GDF6: variants seen among roughly 807,000 people sequenced by gnomAD.
GDF6 encodes the protein growth/differentiation factor 6.
A neutral mutation model predicts 32.4 loss-of-function variants in GDF6; 3 were observed. The ratio of observed to expected loss-of-function variants is 0.09; its 90% CI spans 0.04 to 0.24. The LOEUF (loss-of-function observed/expected upper bound fraction) is 0.24, where lower values mean the gene tolerates loss of function less well. Among genes scored for constraint, GDF6 ranks in the 10% least tolerant of loss-of-function variants. The probability of loss-of-function intolerance (pLI) is 1.00; values close to 1 mark genes in which losing one functional copy is unlikely to be tolerated. For missense variants in GDF6, 589 were observed against 637.9 expected, an observed-to-expected ratio of 0.92 and a Z score of 0.83; for synonymous variants, 296 against 295.3, an observed-to-expected ratio of 1.00 and a Z score of -0.03.
chr8:96,154,123 C>A (rs1028063498), intron 1 of GDF6, among the ~76,000 whole-genome samples: 1 of 152,116 alleles, frequency 6.6e-6, no homozygotes, highest in Non-Finnish European at 1.5e-5. Flanking sequence ...CCACTAAAGC[C>A]AATCCCCTGC....
In GDF6 at chr8:96,150,596, C is replaced by T. The variant is rs563959264; in HGVS notation, c.407-5072G>A. Among the ~76,000 whole-genome samples, 10 of 152,370 alleles carry T rather than the reference C, an allele frequency of 6.6e-5. No individual in the cohort carries two copies. In the South Asian group the frequency reaches 2.1e-3, roughly 32 times the overall value. ...TCACTTATAGATGAAGAAACTAAAGCTCTAAGAGGTATCTTGCCCATTGTC... is the reference window on the plus strand; with the variant it reads ...TCACTTATAGATGAAGAAACTAAAGTTCTAAGAGGTATCTTGCCCATTGTC... On this transcript the variant is annotated intron_variant, in intron 1 of 1. Transcript: ENST00000287020.
chr8:96,157,583 G>C (rs7845829), intron 1 of GDF6, among the ~76,000 whole-genome samples: 21,816 of 152,152 alleles, frequency 0.14, 2,206 homozygotes, highest in African/African-American at 0.27. Flanking sequence ...AGCGCTGCTG[G>C]CCCAGCTCTA....
At position 96,145,199 on chromosome 8, in the gene GDF6, C is replaced by A. The variant is rs1201519354; in HGVS notation, c.732G>T (p.Glu244Asp). The A allele has an allele frequency of 2.0e-6, 3 of 1,500,604 alleles. No individual in the cohort carries two copies. The East Asian group carries it at 8.1e-5, about 41-fold the overall frequency. The allele number at this position is 1,500,604 out of a possible 1,614,324, so 93.0% of individuals were successfully genotyped here. Residue 244 changes from glutamate to aspartate, a missense_variant, in exon 2 of 2, where the codon GAG (glutamate) becomes GAT (aspartate). Glu to Asp is a conservative substitution (Grantham distance 45, BLOSUM62 2). Coordinates refer to ENST00000287020, the MANE Select transcript of GDF6 (RefSeq NM_001001557.4). This position sits in a 1 kb window ranked among gnomAD's most constrained non-coding sequence, Gnocchi z 5.6. ...GGGGTCCCCGCGCGCGCGCCTCGGC[C>A]TCCCCGGCGTCCAGCTCGCCCCATG... ...RAAWGELDAG[E>D]AEARARGPQQ...
intron 1 of GDF6, among the ~76,000 whole-genome samples, chr8:96,160,023 C>A (rs1812733235): frequency 6.6e-6 from 1 of 152,036 alleles, no homozygotes; most frequent in Admixed American, 6.5e-5. Context: ...CAAGCGGCAA[C>A]CACGCTGCCT....
In GDF6 at chr8:96,144,599, G is replaced by C; in HGVS notation, c.1332C>G (p.Tyr444Ter). Residue 444 changes from tyrosine (Y) to a stop codon, truncating the protein, a stop_gained, in exon 2 of 2, where the codon TAC becomes TAG. Transcript: ENST00000287020. LOFTEE classifies it high-confidence loss of function. The surrounding 1 kb of genome is among the most constrained non-coding windows in gnomAD (Gnocchi z 5.1). ...CGCACGACTCCACCACCATGTCCTCGTACTGCTTGTAGACCACATTATTGC... is the reference window on the plus strand; with the variant it reads ...CGCACGACTCCACCACCATGTCCTCCTACTGCTTGTAGACCACATTATTGC... ...DAGNNVVYKQ[Y>*]EDMVVESCGC... The C allele has an allele frequency of 6.2e-7, 1 of 1,613,984 alleles. No individual in the cohort carries two copies. Among genetic ancestry groups the C allele is most frequent in the Non-Finnish European group, 8.5e-7 (1 of 1,179,972 alleles).
At chr8:96,153,399 A>G (rs1812603409) in intron 1 of GDF6, among the ~76,000 whole-genome samples, 1 of 152,218 alleles carries the variant, frequency 6.6e-6, no homozygotes, top group Admixed American at 6.5e-5. Context: ...ATCACTGCAG[A>G]TGAAACCCAA....
In GDF6 at chr8:96,143,695, G is replaced by A. The variant is rs1469921299; in HGVS notation, c.*868C>T. The A allele has an allele frequency of 1.3e-5, 2 of 152,702 alleles. No homozygotes were observed. The highest frequency in any genetic ancestry group is 6.5e-5 in the Admixed American group (1 of 15,292). The allele number at this position is 152,702 out of a possible 1,614,324, so 9.5% of individuals were successfully genotyped here. ...TCCGTGTCAGCCCCAGTCAGAGGCA[G>A]GCCTTGTGGTTTCTCATTATCCTTC... On this transcript the variant is annotated 3_prime_UTR_variant, in exon 2 of 2. Coordinates refer to ENST00000287020, the MANE Select transcript of GDF6 (RefSeq NM_001001557.4).
chr8:96,151,142 G>C lies in GDF6; in HGVS notation c.407-5618C>G, dbSNP rs149039134. ...TCATCCTGAGTCAGGCCTCTGTTGA[G>C]ATCTGAGCTTTGCAAGCTGCTGACG... On this transcript the variant is annotated intron_variant, in intron 1 of 1. Coordinates refer to ENST00000287020, the MANE Select transcript of GDF6 (RefSeq NM_001001557.4). Among the ~76,000 whole-genome samples, 625 of 152,318 alleles carry C rather than the reference G, an allele frequency of 4.1e-3. 7 individuals carry two copies. Among genetic ancestry groups the C allele is most frequent in the African/African-American group, 0.014 (587 of 41,574 alleles).
intron 1 of GDF6, among the ~76,000 whole-genome samples, chr8:96,152,475 CGATCTGA>C: frequency 6.6e-6 from 1 of 152,160 alleles, no homozygotes; most frequent in African/African-American, 2.4e-5. Context: ...TGTGGGGGCA[CGATCTGA>C]CCACAGGGCC....
chr8:96,146,707 C>CACACAGAGAGAGAGAGAGAGAGAG (rs367654279), intron 1 of GDF6, among the ~76,000 whole-genome samples: 43 of 140,022 alleles, frequency 3.1e-4, no homozygotes, highest in African/African-American at 9.1e-4. Flanking sequence ...CACACACACA[C>CACACAGAGAGAGAGAGAGAGAGAG]AGAGAGAGAG....
In GDF6 at chr8:96,158,119, C is replaced by G. The variant is rs1812699640; in HGVS notation, c.406+2168G>C. On this transcript the variant is annotated intron_variant, in intron 1 of 1. Coordinates refer to ENST00000287020, the MANE Select transcript of GDF6 (RefSeq NM_001001557.4). ...CCTTTGAAGATGCTGTCCGGGTGGT[C>G]ATGCAGCGTCTCCTCCCGCTGTGGA... Among the ~76,000 whole-genome samples the G allele has an allele frequency of 1.3e-5, 2 of 152,204 alleles. 1 individual carries two copies. Among genetic ancestry groups the G allele is most frequent in the South Asian group, 4.1e-4 (2 of 4,830 alleles).
rs1812393063 is a variant in GDF6, at chr8:96,142,709, T to C, written c.*1854A>G. On this transcript the variant is annotated 3_prime_UTR_variant, in exon 2 of 2. Coordinates refer to ENST00000287020, the MANE Select transcript of GDF6 (RefSeq NM_001001557.4). ...CTTTCAGTCACCTTAAATAAACAAA[T>C]ATATACAGCCTTAACAGAACAACAG... The C allele has an allele frequency of 1.3e-5, 2 of 152,760 alleles. No homozygotes were observed. Among genetic ancestry groups the C allele is most frequent in the South Asian group, 4.1e-4 (2 of 4,824 alleles). The allele number at this position is 152,760 out of a possible 1,614,324, so 9.5% of individuals were successfully genotyped here. A position where few individuals can be genotyped will look rare whatever the true frequency, so the allele number is the denominator to read the frequency against.
intron 1 of GDF6, among the ~76,000 whole-genome samples, chr8:96,154,886 C>G (rs951892207): frequency 1.3e-5 from 2 of 152,204 alleles, no homozygotes; most frequent in Admixed American, 6.5e-5. Flanking sequence ...GTAAGAACCT[C>G]AAGGACTCCA....
At chr8:96,155,735 C>G (rs977451908) in intron 1 of GDF6, among the ~76,000 whole-genome samples, 3 of 152,222 alleles carry the variant, frequency 2.0e-5, no homozygotes, top group African/African-American at 7.2e-5. Flanking sequence ...ATAAGGGACT[C>G]AAACAAATCG....
intron 1 of GDF6, among the ~76,000 whole-genome samples, chr8:96,148,146 C>G (rs2440201): frequency 0.49 from 74,874 of 152,078 alleles, 19,165 homozygotes; most frequent in Non-Finnish European, 0.58. Flanking sequence ...CACCCCTACC[C>G]TTTCCACGTT....
chr8:96,145,873 C>A lies in GDF6; in HGVS notation c.407-349G>T, dbSNP rs1005398456. ...GGTCTCAAGCCTGGGCCGCGTTTCC[C>A]CTAGACCTCCTCTGGGCTGGGCTGG... is the stretch of plus-strand genomic sequence containing the variant. On this transcript the variant is annotated intron_variant, in intron 1 of 1. Transcript: ENST00000287020. This position sits in a 1 kb window ranked among gnomAD's most constrained non-coding sequence, Gnocchi z 5.6. Among the ~76,000 whole-genome samples, 1 of 152,172 alleles carries A rather than the reference C, an allele frequency of 6.6e-6. No homozygotes were observed. Among genetic ancestry groups the A allele is most frequent in the East Asian group, 1.9e-4 (1 of 5,188 alleles).
chr8:96,159,001 G>C (rs1177581411), intron 1 of GDF6, among the ~76,000 whole-genome samples: 1 of 152,022 alleles, frequency 6.6e-6, no homozygotes, highest in African/African-American at 2.4e-5. Context: ...GGGGGCGGGG[G>C]GGCCGTTAGC....
chr8:96,144,344 A>G lies in GDF6; in HGVS notation c.*219T>C, dbSNP rs953964243. The G allele has an allele frequency of 9.1e-6, 5 of 550,224 alleles. No homozygotes were observed. Among genetic ancestry groups the G allele is most frequent in the Non-Finnish European group, 1.3e-5 (4 of 308,028 alleles). The allele number at this position is 550,224 out of a possible 1,614,324, so 34.1% of individuals were successfully genotyped here. A position where few individuals can be genotyped will look rare whatever the true frequency, so the allele number is the denominator to read the frequency against. On this transcript the variant is annotated 3_prime_UTR_variant, in exon 2 of 2. Coordinates refer to ENST00000287020, the MANE Select transcript of GDF6 (RefSeq NM_001001557.4). This position sits in a 1 kb window ranked among gnomAD's most constrained non-coding sequence, Gnocchi z 5.1. ...CTTGTTTTTCCAGGGTGGCCAGGCA[A>G]GGTGTGAAAATCCATATTTCCCTCT...
rs1056012263 is a variant in GDF6, at chr8:96,145,893, G to A, written c.407-369C>T. On this transcript the variant is annotated intron_variant, in intron 1 of 1. Transcript: ENST00000287020. This position sits in a 1 kb window ranked among gnomAD's most constrained non-coding sequence, Gnocchi z 5.6. ...TTTCCCCTAGACCTCCTCTGGGCTGGGCTGGCTCGTTCTCGTTGACGTCTC... is the reference window on the plus strand; with the variant it reads ...TTTCCCCTAGACCTCCTCTGGGCTGAGCTGGCTCGTTCTCGTTGACGTCTC... 6.6e-6 allele frequency among the ~76,000 whole-genome samples: 1 copy of A among 152,186 alleles called. No individual in the cohort carries two copies.
Sources: allele counts gnomAD v4.1 joint callset (sites outside exome capture counted in the v4.1 genomes callset), GRCh38; gene constraint gnomAD v4.1.1; non-coding constraint Gnocchi (gnomAD v3.1); transcripts MANE v1.5; gene names NCBI Gene and HGNC (gene_info 2026-07-23, HGNC 2026-07-21).